HHLA2: variants seen among roughly 807,000 people sequenced by gnomAD.
HHLA2 encodes HERV-H LTR-associating protein 2.
HHLA2 carries 48 observed loss-of-function variants against 45.9 expected under a neutral mutation model. The observed-to-expected ratio is 1.05, with a 90% CI of 0.83 to 1.33. HHLA2 has a LOEUF of 1.33. HHLA2 is among the 40% of genes most tolerant of loss of function. HHLA2 has a pLI of 0.00. For synonymous variants in HHLA2, 161 were observed against 173.9 expected (o/e 0.93, Z 0.59); for missense variants, 462 against 494.3 (o/e 0.93, Z 0.62).
chr3:108,377,123 A>C (rs2082288293), intron 10 of HHLA2, 135 bp from the exon 10 acceptor site: 2 of 633,608 alleles, frequency 3.2e-6, no homozygotes, highest in Non-Finnish European at 5.7e-6. Context: ...ATGGATCTTT[A>C]ATTTCAGATG....
At chr3:108,373,727 A>G in intron 8 of HHLA2, among the ~76,000 whole-genome samples, 1 of 150,388 alleles carries the variant, frequency 6.6e-6, no homozygotes. Context: ...TCCCATTCAC[A>G]ATTGCTTCAA....
At chr3:108,307,765 T>C (rs1371798719) in intron 1 of HHLA2, among the ~76,000 whole-genome samples, 1 of 152,220 alleles carries the variant, frequency 6.6e-6, no homozygotes, top group East Asian at 1.9e-4. Context: ...CTACAGATTC[T>C]ATTTGAAGGT....
At chr3:108,327,586 T>C (rs1363910058) in intron 2 of HHLA2, among the ~76,000 whole-genome samples, 1 of 152,196 alleles carries the variant, frequency 6.6e-6, no homozygotes, top group African/African-American at 2.4e-5. Flanking sequence ...AGCTGTTAAA[T>C]CAATCTATTG....
intron 7 of HHLA2, among the ~76,000 whole-genome samples, chr3:108,361,075 C>T (rs758914865): frequency 6.6e-6 from 1 of 152,176 alleles, no homozygotes; most frequent in Non-Finnish European, 1.5e-5. Context: ...AACCCAGGGT[C>T]TCTGGAGTCC....
chr3:108,340,015 G>T (rs1275792168), intron 3 of HHLA2, among the ~76,000 whole-genome samples: 1 of 152,182 alleles, frequency 6.6e-6, no homozygotes, highest in Non-Finnish European at 1.5e-5. Context: ...GGACGGTAAA[G>T]GTAGATGGGA....
intron 1 of HHLA2, among the ~76,000 whole-genome samples, chr3:108,305,686 A>T (rs1375237841): frequency 6.6e-6 from 1 of 152,152 alleles, no homozygotes; most frequent in East Asian, 1.9e-4. Flanking sequence ...CCAAGGAGGA[A>T]GGCTTGGCAC....
At chr3:108,373,244 T>G (rs921075047) in intron 8 of HHLA2, among the ~76,000 whole-genome samples, 8 of 152,134 alleles carry the variant, frequency 5.3e-5, no homozygotes, top group Non-Finnish European at 7.3e-5. Flanking sequence ...ATTATCTCAA[T>G]AGATGCAGAA....
intron 1 of HHLA2, among the ~76,000 whole-genome samples, chr3:108,302,950 CTT>C (rs1292259282): frequency 6.6e-6 from 1 of 152,182 alleles, no homozygotes; most frequent in Non-Finnish European, 1.5e-5. Context: ...GCTCTGTTGT[CTT>C]TTGTGGAGAA....
At chr3:108,373,009 T>G (rs554216184) in intron 8 of HHLA2, among the ~76,000 whole-genome samples, 2 of 152,282 alleles carry the variant, frequency 1.3e-5, no homozygotes, top group East Asian at 3.9e-4. Context: ...TAGCAAAGCC[T>G]GGCAGAGACA....
chr3:108,372,145 T>A (rs2082187167), intron 8 of HHLA2, among the ~76,000 whole-genome samples: 1 of 152,172 alleles, frequency 6.6e-6, no homozygotes, highest in African/African-American at 2.4e-5. Flanking sequence ...CACAGTGCAA[T>A]CAAACTAGAA....
exon 11 of HHLA2, chr3:108,377,377 G>A (rs1041532667): frequency 1.0e-5 from 9 of 869,962 alleles, no homozygotes; most frequent in South Asian, 3.0e-5. Flanking sequence ...ATGGCCTGTC[G>A]GAGCAGACAA....
At chr3:108,358,208 G>A (rs1050528741) in intron 7 of HHLA2, 47 bp downstream of exon 6, 1 of 1,365,002 alleles carries the variant, frequency 7.3e-7, no homozygotes, top group African/African-American at 1.5e-5. Flanking sequence ...TGTAGCATTA[G>A]AGGTTTGTGA....
At chr3:108,317,712 T>C (rs2081125417) in intron 2 of HHLA2, among the ~76,000 whole-genome samples, 1 of 151,660 alleles carries the variant, frequency 6.6e-6, no homozygotes, top group African/African-American at 2.4e-5. Flanking sequence ...GTAGCTGGGA[T>C]CACAGGCACG....
At chr3:108,315,117 T>C (rs1265722180) in intron 2 of HHLA2, among the ~76,000 whole-genome samples, 1 of 152,218 alleles carries the variant, frequency 6.6e-6, no homozygotes, top group Non-Finnish European at 1.5e-5. Context: ...TCAGAGGCTC[T>C]CACCCTGTGG....
intron 2 of HHLA2, among the ~76,000 whole-genome samples, chr3:108,319,997 C>T (rs1010890417): frequency 6.6e-6 from 1 of 152,172 alleles, no homozygotes; most frequent in Non-Finnish European, 1.5e-5. Flanking sequence ...TGACAGTAAA[C>T]AACAGCATGT....
intron 2 of HHLA2, among the ~76,000 whole-genome samples, chr3:108,325,184 T>G (rs2081266393): frequency 6.6e-6 from 1 of 152,170 alleles, no homozygotes; most frequent in Admixed American, 6.6e-5. Flanking sequence ...ATTTATTCAG[T>G]GTCATGACCA....
At chr3:108,350,753 C>T (rs564315413) in intron 3 of HHLA2, among the ~76,000 whole-genome samples, 1 of 152,084 alleles carries the variant, frequency 6.6e-6, no homozygotes, top group African/African-American at 2.4e-5. Flanking sequence ...GGTACAATCT[C>T]GCCTCACTGC....
chr3:108,361,419 A>G (rs1576169891), intron 7 of HHLA2, among the ~76,000 whole-genome samples: 1 of 152,116 alleles, frequency 6.6e-6, no homozygotes, highest in African/African-American at 2.4e-5. Flanking sequence ...ATCTACTGTC[A>G]TGATATCGCA....
intron 1 of HHLA2, among the ~76,000 whole-genome samples, chr3:108,301,166 GTTTTA>G (rs1415953595): frequency 6.6e-6 from 1 of 152,036 alleles, no homozygotes; most frequent in Non-Finnish European, 1.5e-5. Context: ...TGAATTTAGC[GTTTTA>G]TTTTATATGC....
Sources: gnomAD v4.1 joint callset for allele counts (sites outside exome capture counted in the v4.1 genomes callset) on GRCh38, gnomAD v4.1.1 for gene constraint, MANE v1.5 for transcripts, NCBI Gene and HGNC (gene_info 2026-07-23, HGNC 2026-07-21) for gene names.